PRPSAP2: variants seen among roughly 807,000 people sequenced by gnomAD.
PRPSAP2 encodes phosphoribosyl pyrophosphate synthase-associated protein 2.
PRPSAP2 carries 24 observed loss-of-function variants against 40.6 expected under a neutral mutation model. The observed-to-expected ratio is 0.59, with a 90% CI of 0.43 to 0.83. The LOEUF (loss-of-function observed/expected upper bound fraction) is 0.83, where lower values mean the gene tolerates loss of function less well. Ranked by LOEUF, PRPSAP2 falls within the 40% of genes least tolerant of loss-of-function variation. The probability of loss-of-function intolerance (pLI) is 0.00; values close to 1 mark genes in which losing one functional copy is unlikely to be tolerated. For missense variants in PRPSAP2, 292 were observed against 465.6 expected, an observed-to-expected ratio of 0.63 and a Z score of 3.43; for synonymous variants, 149 against 164.7, an observed-to-expected ratio of 0.90 and a Z score of 0.73.
chr17:18,928,577 G>C, intron 10 of PRPSAP2: 1 of 515,680 alleles, frequency 1.9e-6, no homozygotes, highest in East Asian at 4.0e-5. Flanking sequence ...GGAGTGTGGT[G>C]GGAGATAGCT....
At chr17:18,925,640 G>A (rs2041927308) in intron 10 of PRPSAP2, among the ~76,000 whole-genome samples, 1 of 152,206 alleles carries the variant, frequency 6.6e-6, no homozygotes, top group Non-Finnish European at 1.5e-5. Context: ...AAAAGTGTGA[G>A]AGTTTCAAGG....
chr17:18,895,926 C>A (rs1395398466), intron 8 of PRPSAP2, among the ~76,000 whole-genome samples: 1 of 152,024 alleles, frequency 6.6e-6, no homozygotes, highest in Admixed American at 6.6e-5. Context: ...CATGCCTGGC[C>A]AAAACTTCTT....
chr17:18,914,774 G>A (rs2041203214), intron 9 of PRPSAP2, among the ~76,000 whole-genome samples: 1 of 151,188 alleles, frequency 6.6e-6, no homozygotes, highest in Non-Finnish European at 1.5e-5. Context: ...ACCCAGGCTG[G>A]AATGCAGTGG....
chr17:18,912,096 C>A lies in PRPSAP2; in HGVS notation c.733+845C>A, dbSNP rs143232598. Among the ~76,000 whole-genome samples, 817 of 152,084 alleles carry A rather than the reference C, an allele frequency of 5.4e-3. 13 individuals carry two copies. The highest frequency in any genetic ancestry group is 0.019 in the African/African-American group (793 of 41,474). On this transcript the variant is annotated intron_variant, in intron 9 of 11. Coordinates refer to ENST00000268835, the MANE Select transcript of PRPSAP2 (RefSeq NM_002767.4). Reference sequence around the variant, plus strand: ...CCTTGGGAGGCTGAGGCAGGAGAATCGCTTGAACCCGGGAGACAGAGGTTG... The same window carrying A: ...CCTTGGGAGGCTGAGGCAGGAGAATAGCTTGAACCCGGGAGACAGAGGTTG...
At chr17:18,886,190 T>G (rs1411945088) in intron 7 of PRPSAP2, among the ~76,000 whole-genome samples, 1 of 152,164 alleles carries the variant, frequency 6.6e-6, no homozygotes, top group Non-Finnish European at 1.5e-5. Flanking sequence ...CTAATTATAC[T>G]GTGGCACTGT....
At chr17:18,864,278 T>A (rs994719732) in intron 1 of PRPSAP2, among the ~76,000 whole-genome samples, 1 of 152,038 alleles carries the variant, frequency 6.6e-6, no homozygotes, top group Non-Finnish European at 1.5e-5. Context: ...GACTTTATCC[T>A]TAACTATCAT....
chr17:18,860,365 A>G (rs998309583), intron 1 of PRPSAP2: 2 of 152,092 alleles, frequency 1.3e-5, no homozygotes, highest in Non-Finnish European at 1.5e-5. Context: ...CGGTTTTTAT[A>G]CTTTATGATG....
intron 10 of PRPSAP2, among the ~76,000 whole-genome samples, chr17:18,926,081 G>A (rs1398817380): frequency 6.6e-6 from 1 of 151,386 alleles, no homozygotes; most frequent in East Asian, 2.0e-4. Context: ...CCAGGCGACT[G>A]AGCAAGACTC....
chr17:18,893,565 G>A (rs1034159003), intron 8 of PRPSAP2, among the ~76,000 whole-genome samples: 9 of 150,488 alleles, frequency 6.0e-5, no homozygotes, highest in Non-Finnish European at 1.3e-4. Flanking sequence ...GACCAGCCAG[G>A]GCAATATAGT....
intron 8 of PRPSAP2, among the ~76,000 whole-genome samples, chr17:18,897,094 C>A (rs1312256842): frequency 6.6e-6 from 1 of 151,732 alleles, no homozygotes; most frequent in Non-Finnish European, 1.5e-5. Context: ...TAGCTGAGAC[C>A]ACAGGCATGC....
intron 4 of PRPSAP2, among the ~76,000 whole-genome samples, chr17:18,871,313 C>T (rs1191533102): frequency 6.6e-6 from 1 of 152,180 alleles, no homozygotes; most frequent in Non-Finnish European, 1.5e-5. Context: ...AGCCACCGTG[C>T]CCAGCCTAAA....
chr17:18,927,405 G>GTATA (rs1485117039), intron 10 of PRPSAP2, among the ~76,000 whole-genome samples: 1 of 152,136 alleles, frequency 6.6e-6, no homozygotes, highest in African/African-American at 2.4e-5. Context: ...GGAATCTATG[G>GTATA]TATATAACCT....
At chr17:18,862,011 G>A (rs1038222785) in intron 1 of PRPSAP2, among the ~76,000 whole-genome samples, 1 of 152,074 alleles carries the variant, frequency 6.6e-6, no homozygotes, top group African/African-American at 2.4e-5. Flanking sequence ...CCTCAGCCTC[G>A]TGAGTAGCTG....
At position 18,928,845 on chromosome 17, in the gene PRPSAP2, C is replaced by T. The variant is rs1235934813; in HGVS notation, c.839C>T (p.Ala280Val). ...ATTGATGATGTTGACAGCTTTCTTG[C>T]TGCAGCAGAGACCCTGAAGGAAAGA... ...DIIDDVDSFL[A>V]AAETLKERGA... The change falls in exon 11 of 12, where the codon GCT (alanine) becomes GTT (valine). Residue 280 changes from alanine to valine, a missense_variant. This residue lies in a region of PRPSAP2 where 241 missense variants were observed against 425.7 expected (regional missense o/e 0.57). Transcript: ENST00000268835. 6.2e-7 allele frequency: 1 copy of T among 1,614,030 alleles called. No homozygotes were observed. Among genetic ancestry groups the T allele is most frequent in the African/African-American group, 1.3e-5 (1 of 75,036 alleles).
chr17:18,924,334 C>G (rs1210684550), intron 10 of PRPSAP2, among the ~76,000 whole-genome samples: 1 of 152,224 alleles, frequency 6.6e-6, no homozygotes, highest in East Asian at 1.9e-4. Flanking sequence ...GCCACTGCAC[C>G]TGGCCAATTT....
rs1165778882 is a variant in PRPSAP2 at position 18,911,981 on chromosome 17, G to A, written c.733+730G>A. Among the ~76,000 whole-genome samples, 12 of 152,092 alleles carry A rather than the reference G, an allele frequency of 7.9e-5. No individual in the cohort carries two copies. The highest frequency in any genetic ancestry group is 2.9e-4 in the African/African-American group (12 of 41,416). Reference sequence around the variant, plus strand: ...GTGAATCACCTGAGGTCAGGAGTTCGAGACCAGCCTGATCCACATGGAGAA... The same window carrying A: ...GTGAATCACCTGAGGTCAGGAGTTCAAGACCAGCCTGATCCACATGGAGAA... On this transcript the variant is annotated intron_variant, in intron 9 of 11. Coordinates refer to ENST00000268835, the MANE Select transcript of PRPSAP2 (RefSeq NM_002767.4). The surrounding 1 kb of genome is among the most constrained non-coding windows in gnomAD (Gnocchi z 4.5).
At chr17:18,912,437 G>T (rs2041019361) in intron 9 of PRPSAP2, among the ~76,000 whole-genome samples, 1 of 152,158 alleles carries the variant, frequency 6.6e-6, no homozygotes, top group Non-Finnish European at 1.5e-5. Context: ...TCAGACCATA[G>T]CATTTTGCCC....
chr17:18,905,821 G>C (rs2040551734), intron 8 of PRPSAP2, among the ~76,000 whole-genome samples: 1 of 152,160 alleles, frequency 6.6e-6, no homozygotes, highest in Admixed American at 6.5e-5. Flanking sequence ...AGCCTCAGGT[G>C]ATCTGCCCGC....
At chr17:18,925,098 C>T (rs543807865) in intron 10 of PRPSAP2, among the ~76,000 whole-genome samples, 5 of 150,498 alleles carry the variant, frequency 3.3e-5, no homozygotes, top group African/African-American at 7.3e-5. Context: ...CTAGCCTGGG[C>T]GAAAGAGTGA....
Sources: allele counts gnomAD v4.1 joint callset (sites outside exome capture counted in the v4.1 genomes callset), GRCh38; gene constraint gnomAD v4.1.1; regional missense constraint gnomAD v4.1.1; non-coding constraint Gnocchi (gnomAD v3.1); transcripts MANE v1.5; gene names NCBI Gene and HGNC (gene_info 2026-07-23, HGNC 2026-07-21).